PELI2: variants seen among roughly 807,000 people sequenced by gnomAD.
The protein encoded by PELI2 is E3 ubiquitin-protein ligase pellino homolog 2.
In PELI2, 23 loss-of-function variants were observed where a neutral mutation model predicts 42.3. The observed-to-expected ratio is 0.54, with a 90% CI of 0.39 to 0.77. PELI2 has a LOEUF of 0.77. PELI2 is among the 30% of genes least tolerant of loss of function. The pLI is 0.00. For synonymous variants in PELI2, 245 were observed against 212.2 expected (o/e 1.15, Z -1.34); for missense variants, 463 against 553.2 (o/e 0.84, Z 1.64).
chr14:56,200,194 T>A (rs1886282098), intron 2 of PELI2, among the ~76,000 whole-genome samples: 1 of 152,286 alleles, frequency 6.6e-6, no homozygotes, highest in African/African-American at 2.4e-5. Context: ...CTTTTACTGC[T>A]ACTACACCAC....
chr14:56,270,249 A>G (rs986657354), intron 2 of PELI2, among the ~76,000 whole-genome samples: 2 of 152,224 alleles, frequency 1.3e-5, no homozygotes, highest in Non-Finnish European at 2.9e-5. Flanking sequence ...ATGAAATCCA[A>G]GTTAGCACTT....
At chr14:56,246,196 A>G (rs886114776) in intron 2 of PELI2, among the ~76,000 whole-genome samples, 2 of 152,122 alleles carry the variant, frequency 1.3e-5, no homozygotes, top group African/African-American at 4.8e-5. Flanking sequence ...CAGAGGTTGT[A>G]AAGTTTGCTA....
At chr14:56,165,814 G>A (rs1483996272) in intron 1 of PELI2, among the ~76,000 whole-genome samples, 2 of 152,058 alleles carry the variant, frequency 1.3e-5, no homozygotes, top group Non-Finnish European at 2.9e-5. Flanking sequence ...AATTTTGTCT[G>A]ACATAAGTAT....
Position 56,297,462 on chromosome 14 carries a change from G to GT in PELI2, c.*309dup, listed in dbSNP as rs55742644. The GT allele has an allele frequency of 0.5, 112,882 of 224,360 alleles. 22,343 individuals are homozygous for GT. Among genetic ancestry groups the GT allele is most frequent in the South Asian group, 0.55 (5,243 of 9,604 alleles). The allele number at this position is 224,360 out of a possible 1,614,324, so 13.9% of individuals were successfully genotyped here. A position where few individuals can be genotyped will look rare whatever the true frequency, so the allele number is the denominator to read the frequency against. ...TTTTTAACCTTGGGTTTTTAACCAA[G>GT]TTTTTTTTTTTTTGTAATCTTGGAC... On this transcript the variant is annotated 3_prime_UTR_variant, in exon 6 of 6. Transcript: ENST00000267460.
In PELI2 at chr14:56,296,993, C is replaced by T. The variant is rs748492655; in HGVS notation, c.1090C>T (p.His364Tyr). Reference sequence around the variant, plus strand: ...TTATGTAGACGCAGGACCGCCAACTCATGCTTTCACTCCCTGTGGACACGT... The same window carrying T: ...TTATGTAGACGCAGGACCGCCAACTTATGCTTTCACTCCCTGTGGACACGT... ...GFYVDAGPPTHAFTPCGHVCS... is the reference protein window; with the variant it reads ...GFYVDAGPPTYAFTPCGHVCS... The change falls in exon 6 of 6, where the codon CAT becomes TAT. Residue 364 changes from histidine (H) to tyrosine (Y), a missense_variant. Transcript: ENST00000267460. 1 of 1,614,180 alleles carries T rather than the reference C, an allele frequency of 6.2e-7. No individual in the cohort carries two copies. The highest frequency in any genetic ancestry group is 1.3e-5 in the African/African-American group (1 of 75,062).
At chr14:56,127,818 TA>T (rs1473701062) in intron 1 of PELI2, among the ~76,000 whole-genome samples, 1 of 152,198 alleles carries the variant, frequency 6.6e-6, no homozygotes, top group Non-Finnish European at 1.5e-5. Context: ...TGAGAGGGAC[TA>T]AAAGATGTGA....
chr14:56,118,449 G>T lies in PELI2; in HGVS notation c.-212G>T. On this transcript the variant is annotated 5_prime_UTR_variant, in exon 1 of 6. Transcript: ENST00000267460. ...GGCTCTGACTCGGGGCGGCCGCGGC[G>T]CGCGGAGCTCCGGGGAGTCAGGCGG... The T allele has an allele frequency of 3.2e-6, 1 of 309,822 alleles. No homozygotes were observed. Among genetic ancestry groups the T allele is most frequent in the Non-Finnish European group, 5.9e-6 (1 of 170,584 alleles). The allele number at this position is 309,822 out of a possible 1,614,324, so 19.2% of individuals were successfully genotyped here. A position where few individuals can be genotyped will look rare whatever the true frequency, so the allele number is the denominator to read the frequency against.
At chr14:56,240,871 TG>T (rs35882216) in intron 2 of PELI2, among the ~76,000 whole-genome samples, 61,234 of 151,950 alleles carry the variant, frequency 0.4, 13,042 homozygotes, top group South Asian at 0.53. Context: ...TTGCCTTCTC[TG>T]TAAAGTGGGT....
chr14:56,286,828 A>G (rs1254601702), intron 3 of PELI2, among the ~76,000 whole-genome samples: 2 of 152,180 alleles, frequency 1.3e-5, no homozygotes, highest in Admixed American at 6.5e-5. Flanking sequence ...CCAGCACTCT[A>G]GAGGTTAGAT....
chr14:56,264,574 G>C (rs8009841), intron 2 of PELI2, among the ~76,000 whole-genome samples: 47,235 of 151,940 alleles, frequency 0.31, 7,906 homozygotes, highest in South Asian at 0.54. Context: ...CATGAGATGA[G>C]AGCCAATTTA....
chr14:56,265,763 A>G (rs1447731856), intron 2 of PELI2, among the ~76,000 whole-genome samples: 3 of 152,104 alleles, frequency 2.0e-5, no homozygotes, highest in Admixed American at 6.5e-5. Flanking sequence ...AGAAAATTCA[A>G]TTTTTGAAAA....
chr14:56,240,554 G>A (rs1362589988), intron 2 of PELI2, among the ~76,000 whole-genome samples: 1 of 152,184 alleles, frequency 6.6e-6, no homozygotes, highest in African/African-American at 2.4e-5. Flanking sequence ...AGACAGTACA[G>A]GAAGACTACT....
chr14:56,181,883 A>AT (rs1885598674), intron 2 of PELI2, among the ~76,000 whole-genome samples: 1 of 151,748 alleles, frequency 6.6e-6, no homozygotes, highest in Admixed American at 6.6e-5. Flanking sequence ...TTTTTAAATT[A>AT]AAAGTCCTGT....
chr14:56,175,515 C>T (rs920266657), intron 1 of PELI2, among the ~76,000 whole-genome samples: 1 of 152,170 alleles, frequency 6.6e-6, no homozygotes, highest in Non-Finnish European at 1.5e-5. Context: ...AATGAATGAC[C>T]ATGTAGCTTA....
intron 5 of PELI2, among the ~76,000 whole-genome samples, chr14:56,296,251 A>G (rs904552864): frequency 6.6e-6 from 1 of 152,184 alleles, no homozygotes; most frequent in African/African-American, 2.4e-5. Context: ...CTCTCATCCT[A>G]TGGGATCAGT....
chr14:56,238,147 A>G (rs994393697), intron 2 of PELI2, among the ~76,000 whole-genome samples: 2 of 152,010 alleles, frequency 1.3e-5, no homozygotes, highest in South Asian at 4.1e-4. Flanking sequence ...GACTTAACCT[A>G]TTGTCAGTCA....
intron 1 of PELI2, among the ~76,000 whole-genome samples, chr14:56,169,825 C>T (rs568028931): frequency 6.6e-6 from 1 of 152,200 alleles, no homozygotes; most frequent in African/African-American, 2.4e-5. Flanking sequence ...AACGTTGTTG[C>T]GTTTCTGGGC....
intron 1 of PELI2, among the ~76,000 whole-genome samples, chr14:56,132,594 G>A (rs1305640514): frequency 1.3e-5 from 2 of 152,130 alleles, no homozygotes; most frequent in Non-Finnish European, 2.9e-5. Flanking sequence ...CCCACGGAAA[G>A]GGTCAGAGGG....
chr14:56,118,472 C>T lies in PELI2; in HGVS notation c.-189C>T, dbSNP rs889120247. ...GCGCGCGGAGCTCCGGGGAGTCAGGCGGAGCAGCCGCGCAGCCACGACGGA... is the reference window on the plus strand; with the variant it reads ...GCGCGCGGAGCTCCGGGGAGTCAGGTGGAGCAGCCGCGCAGCCACGACGGA... On this transcript the variant is annotated 5_prime_UTR_variant, in exon 1 of 6. Coordinates refer to ENST00000267460, the MANE Select transcript of PELI2 (RefSeq NM_021255.3). The T allele has an allele frequency of 8.9e-6, 3 of 337,322 alleles. No homozygotes were observed. The highest frequency in any genetic ancestry group is 5.3e-6 in the Non-Finnish European group (1 of 189,854). 20.9% of individuals were successfully genotyped at this position (337,322 alleles called of 1,614,324 possible). A position where few individuals can be genotyped will look rare whatever the true frequency, so the allele number is the denominator to read the frequency against.
Sources: allele counts gnomAD v4.1 joint callset (sites outside exome capture counted in the v4.1 genomes callset), GRCh38; gene constraint gnomAD v4.1.1; transcripts MANE v1.5; gene names NCBI Gene and HGNC (gene_info 2026-07-23, HGNC 2026-07-21).